The following CDH12 variants were observed in gnomAD, a reference collection of about 807,000 sequenced individuals.
The protein encoded by CDH12 is cadherin 12, also known as cadherin-12.
In CDH12, 41 loss-of-function variants were observed where a neutral mutation model predicts 74.1. That is an observed-to-expected ratio of 0.55 (90% CI 0.43 to 0.72). CDH12 has a LOEUF of 0.72. CDH12 is among the 30% of genes least tolerant of loss of function. The pLI is 0.00. For missense variants in CDH12, 945 were observed against 977.2 expected, an observed-to-expected ratio of 0.97 and a Z score of 0.44; for synonymous variants, 399 against 355.0, an observed-to-expected ratio of 1.12 and a Z score of -1.39.
At chr5:22,062,172 C>T (rs576658314) in intron 5 of CDH12, among the ~76,000 whole-genome samples, 11 of 152,132 alleles carry the variant, frequency 7.2e-5, no homozygotes, top group African/African-American at 2.7e-4. Flanking sequence ...ATTCAAGGTC[C>T]CGCCAATTCA....
intron 1 of CDH12, among the ~76,000 whole-genome samples, chr5:22,643,733 C>CTTTTTTTTTTTT (rs762944279): frequency 5.9e-5 from 3 of 51,202 alleles, no homozygotes; most frequent in African/African-American, 7.9e-5. Flanking sequence ...TTTAAGGTAT[C>CTTTTTTTTTTTT]TTTTTTTTTT....
chr5:21,829,229 A>G (rs1030352781), intron 8 of CDH12, among the ~76,000 whole-genome samples: 14 of 152,190 alleles, frequency 9.2e-5, no homozygotes, highest in Admixed American at 2.0e-4. Context: ...CAGGAGGCGG[A>G]GGCTGCAGCG....
chr5:22,302,916 T>C lies in CDH12; in HGVS notation c.-332-90273A>G, dbSNP rs752135241. ...ACTGTTGGCTAACTTAAAAATATCA[T>C]GTTAACCATTAGAGTGAAAGCTAAA... On this transcript the variant is annotated intron_variant, in intron 3 of 14. Coordinates refer to ENST00000382254, the MANE Select transcript of CDH12 (RefSeq NM_004061.5). Among the ~76,000 whole-genome samples, 31 of 152,108 alleles carry C rather than the reference T, an allele frequency of 2.0e-4. 1 individual carries two copies. Among genetic ancestry groups the C allele is most frequent in the Non-Finnish European group, 3.7e-4 (25 of 67,992 alleles).
chr5:22,497,384 T>C (rs1385668141), intron 2 of CDH12, among the ~76,000 whole-genome samples: 2 of 152,176 alleles, frequency 1.3e-5, no homozygotes, highest in Non-Finnish European at 2.9e-5. Context: ...TTCCTCACAC[T>C]GCATATATAA....
At chr5:21,878,781 GA>G (rs1020404548) in intron 6 of CDH12, among the ~76,000 whole-genome samples, 2 of 66,240 alleles carry the variant, frequency 3.0e-5, no homozygotes, top group Admixed American at 1.7e-4. Flanking sequence ...AGAAAAGAAA[GA>G]AAAAAAGAAA....
intron 4 of CDH12, among the ~76,000 whole-genome samples, chr5:22,204,195 C>T (rs1358816850): frequency 1.4e-5 from 2 of 143,806 alleles, no homozygotes; most frequent in Non-Finnish European, 3.0e-5. Flanking sequence ...TTTTTTGAGA[C>T]GGAGTCTCCC....
chr5:21,966,604 T>C (rs1197194458), intron 6 of CDH12, among the ~76,000 whole-genome samples: 1 of 152,126 alleles, frequency 6.6e-6, no homozygotes, highest in African/African-American at 2.4e-5. Context: ...TTTGAACCTG[T>C]TGAACATACA....
chr5:22,100,100 A>G (rs1004584444), intron 4 of CDH12, among the ~76,000 whole-genome samples: 2 of 152,070 alleles, frequency 1.3e-5, no homozygotes, highest in Non-Finnish European at 2.9e-5. Context: ...CTTTACCACT[A>G]TTTTGTTTTA....
intron 10 of CDH12, among the ~76,000 whole-genome samples, chr5:21,788,182 T>C (rs1050518277): frequency 6.6e-5 from 10 of 152,122 alleles, no homozygotes; most frequent in Admixed American, 2.0e-4. Context: ...AGAGAGATAG[T>C]AGAGAAGGCT....
Position 22,707,176 on chromosome 5 carries a change from A to G in CDH12, c.-523+145882T>C, listed in dbSNP as rs190324908. Among the ~76,000 whole-genome samples the G allele has an allele frequency of 1.9e-3, 290 of 152,278 alleles. 2 individuals carry two copies. Among genetic ancestry groups the G allele is most frequent in the African/African-American group, 6.5e-3 (268 of 41,548 alleles). On this transcript the variant is annotated intron_variant, in intron 1 of 14. Transcript: ENST00000382254. ...GAAGACACAACATTAAGCCTACTAA[A>G]TATGCATAAATCCCTTCAATTAAAA...
intron 6 of CDH12, among the ~76,000 whole-genome samples, chr5:21,949,534 G>A (rs571226960): frequency 2.0e-5 from 3 of 151,786 alleles, no homozygotes; most frequent in African/African-American, 4.8e-5. Flanking sequence ...GCATTGTTAT[G>A]ATAGGAGATG....
intron 6 of CDH12, among the ~76,000 whole-genome samples, chr5:21,954,154 CTA>C (rs1016030991): frequency 1.3e-5 from 2 of 151,972 alleles, no homozygotes; most frequent in African/African-American, 4.8e-5. Context: ...ATAATTATGA[CTA>C]TTTTCATTGC....
At chr5:21,826,595 G>A (rs927795886) in intron 8 of CDH12, among the ~76,000 whole-genome samples, 1 of 152,148 alleles carries the variant, frequency 6.6e-6, no homozygotes, top group African/African-American at 2.4e-5. Context: ...AGCAAGGATA[G>A]AGAGGTCATT....
At chr5:21,961,788 C>T (rs2150110620) in intron 6 of CDH12, among the ~76,000 whole-genome samples, 1 of 152,250 alleles carries the variant, frequency 6.6e-6, no homozygotes. Context: ...TTCTAGCCTT[C>T]AGGACTTGAG....
chr5:21,913,236 G>C (rs1753941946), intron 6 of CDH12, among the ~76,000 whole-genome samples: 1 of 152,194 alleles, frequency 6.6e-6, no homozygotes, highest in Non-Finnish European at 1.5e-5. Flanking sequence ...CAGGAGGACA[G>C]AAGAAGGTCA....
intron 1 of CDH12, among the ~76,000 whole-genome samples, chr5:22,647,874 A>G (rs924422152): frequency 2.6e-5 from 4 of 151,902 alleles, no homozygotes; most frequent in African/African-American, 9.7e-5. Flanking sequence ...ATTTCCATGG[A>G]AAGTATCAAT....
chr5:22,078,590 C>A lies in CDH12; in HGVS notation c.87G>T (p.Gln29His). The change falls in exon 5 of 15, where the codon CAG becomes CAT. Residue 29 changes from glutamine (Q) to histidine (H), a missense_variant. Transcript: ENST00000382254. ...TTTCTCTTGGCTCTGTGGCTAAAGT[C>A]TGCTGTGGCTGTGGTTGTAGTGGTG... The part of the protein sequence containing the change: ...LLTPLQPQPQ[Q>H]TLATEPRENV... 1.2e-6 allele frequency: 2 copies of A among 1,613,970 alleles called. No individual in the cohort carries two copies. The highest frequency in any genetic ancestry group is 1.7e-4 in the Middle Eastern group (1 of 6,060).
chr5:21,893,892 T>G (rs1344518910), intron 6 of CDH12, among the ~76,000 whole-genome samples: 2 of 152,182 alleles, frequency 1.3e-5, no homozygotes, highest in East Asian at 3.9e-4. Context: ...AACCAAGGAA[T>G]AAAGTTCTTT....
At chr5:22,346,656 C>A (rs1740129104) in intron 3 of CDH12, among the ~76,000 whole-genome samples, 1 of 152,112 alleles carries the variant, frequency 6.6e-6, no homozygotes, top group Non-Finnish European at 1.5e-5. Context: ...GAAAGTTGAA[C>A]ATGAAACACG....
Sources: gnomAD v4.1 joint callset for allele counts (sites outside exome capture counted in the v4.1 genomes callset) on GRCh38, gnomAD v4.1.1 for gene constraint, MANE v1.5 for transcripts, NCBI Gene and HGNC (gene_info 2026-07-23, HGNC 2026-07-21) for gene names.